The following CEP128 variants were observed in gnomAD, a reference collection of about 807,000 sequenced individuals.
CEP128 encodes the protein centrosomal protein 128kDa.
CEP128 carries 132 observed loss-of-function variants against 156.7 expected under a neutral mutation model. The observed-to-expected ratio is 0.84, with a 90% CI of 0.73 to 0.97. The LOEUF is 0.97. Ranked by LOEUF, CEP128 falls within the 50% of genes least tolerant of loss-of-function variation. The pLI is 0.00. For synonymous variants in CEP128, 469 were observed against 448.9 expected, an observed-to-expected ratio of 1.04 and a Z score of -0.57; for missense variants, 1,252 against 1,281.9, an observed-to-expected ratio of 0.98 and a Z score of 0.36.
intron 18 of CEP128, among the ~76,000 whole-genome samples, chr14:80,744,689 C>T (rs1452822068): frequency 1.3e-5 from 2 of 152,118 alleles, no homozygotes. Context: ...TTTTCTCTTT[C>T]TCAAGTTCAC....
intron 13 of CEP128, among the ~76,000 whole-genome samples, chr14:80,803,641 C>T (rs1884004842): frequency 6.6e-6 from 1 of 152,094 alleles, no homozygotes; most frequent in South Asian, 2.1e-4. Context: ...AAAAGATCAA[C>T]ATGTGAATCT....
intron 4 of CEP128, among the ~76,000 whole-genome samples, chr14:80,913,660 G>A (rs960252558): frequency 5.3e-5 from 8 of 152,108 alleles, no homozygotes; most frequent in Non-Finnish European, 8.8e-5. Flanking sequence ...ATGGACATTG[G>A]AGACTCAGAA....
At chr14:80,688,554 C>T (rs1312293221) in intron 19 of CEP128, among the ~76,000 whole-genome samples, 1 of 152,132 alleles carries the variant, frequency 6.6e-6, no homozygotes, top group Non-Finnish European at 1.5e-5. Context: ...TAATGTTATA[C>T]TAAAACAAAT....
chr14:80,574,934 A>G lies in CEP128; in HGVS notation c.2856+5440T>C, dbSNP rs191060857. On this transcript the variant is annotated intron_variant, in intron 20 of 24. Transcript: ENST00000555265. ...CCAGACTATTTTTCAAAGCCAACTG[A>G]TAGACAACTTAAAAATGATTATGGG... 9.9e-4 allele frequency among the ~76,000 whole-genome samples: 151 copies of G among 152,238 alleles called. 2 individuals carry two copies. The highest frequency in any genetic ancestry group is 9.9e-3 in the Admixed American group (151 of 15,282).
chr14:80,901,703 A>C (rs760898108), intron 6 of CEP128, among the ~76,000 whole-genome samples: 1 of 152,206 alleles, frequency 6.6e-6, no homozygotes, highest in Non-Finnish European at 1.5e-5. Flanking sequence ...TACCTTCCCC[A>C]CATGGCTATC....
chr14:80,666,301 C>T (rs139275917), intron 19 of CEP128, among the ~76,000 whole-genome samples: 25 of 152,328 alleles, frequency 1.6e-4, no homozygotes, highest in African/African-American at 5.8e-4. Flanking sequence ...AGCCTATGGG[C>T]CAGGACAAAG....
chr14:80,694,259 C>T lies in CEP128; in HGVS notation c.2806+48816G>A, dbSNP rs139278751. Among the ~76,000 whole-genome samples the T allele has an allele frequency of 1.7e-3, 253 of 152,264 alleles. 2 individuals are homozygous for T. Among genetic ancestry groups the T allele is most frequent in the African/African-American group, 5.5e-3 (230 of 41,546 alleles). On this transcript the variant is annotated intron_variant, in intron 19 of 24. Transcript: ENST00000555265. ...CAATTACTAAAAAGTCAGGAAACAA[C>T]AGATGCTGGAGAGGATGTGGAGAAA...
intron 24 of CEP128, among the ~76,000 whole-genome samples, chr14:80,503,120 C>T (rs935086749): frequency 1.3e-4 from 20 of 151,916 alleles, no homozygotes; most frequent in Middle Eastern, 3.4e-3. Flanking sequence ...AATAGTAAAA[C>T]AAGACTATGG....
intron 19 of CEP128, among the ~76,000 whole-genome samples, chr14:80,667,460 C>A (rs1338353120): frequency 1.3e-5 from 2 of 152,094 alleles, no homozygotes; most frequent in Non-Finnish European, 2.9e-5. Flanking sequence ...AAGGTGAAAA[C>A]CCAATAGCAA....
intron 19 of CEP128, among the ~76,000 whole-genome samples, chr14:80,662,877 A>G (rs1353225536): frequency 6.6e-6 from 1 of 152,180 alleles, no homozygotes; most frequent in Non-Finnish European, 1.5e-5. Flanking sequence ...GAATCATTAA[A>G]CAAATGTAGC....
At chr14:80,888,479 C>T (rs111695685) in intron 8 of CEP128, among the ~76,000 whole-genome samples, 12,777 of 152,162 alleles carry the variant, frequency 0.084, 605 homozygotes, top group African/African-American at 0.12. Flanking sequence ...GTTCAACATA[C>T]GCAAATCAAT....
intron 13 of CEP128, among the ~76,000 whole-genome samples, chr14:80,804,629 G>A (rs1205238450): frequency 6.6e-6 from 1 of 151,988 alleles, no homozygotes. Flanking sequence ...GAGAAAAATA[G>A]CTGACTCAAG....
chr14:80,670,598 A>G (rs1174635323), intron 19 of CEP128, among the ~76,000 whole-genome samples: 3 of 152,164 alleles, frequency 2.0e-5, no homozygotes, highest in Non-Finnish European at 4.4e-5. Flanking sequence ...ATGGACATAG[A>G]GTGTGGAATA....
intron 19 of CEP128, among the ~76,000 whole-genome samples, chr14:80,588,516 A>G (rs1891915139): frequency 6.6e-6 from 1 of 152,140 alleles, no homozygotes; most frequent in South Asian, 2.1e-4. Context: ...ATACATACAA[A>G]ACTTTTGACA....
chr14:80,949,600 T>C (rs531407832), intron 2 of CEP128, among the ~76,000 whole-genome samples: 1 of 152,242 alleles, frequency 6.6e-6, no homozygotes, highest in African/African-American at 2.4e-5. Flanking sequence ...ATCAGAAGGG[T>C]ATTGCCTCGG....
intron 19 of CEP128, among the ~76,000 whole-genome samples, chr14:80,680,559 G>A (rs139964696): frequency 8.0e-4 from 122 of 152,120 alleles, no homozygotes; most frequent in African/African-American, 2.8e-3. Context: ...CAGGCATTTC[G>A]AGCACCCATT....
At chr14:80,543,279 G>T (rs1308139607) in intron 21 of CEP128, among the ~76,000 whole-genome samples, 6 of 152,192 alleles carry the variant, frequency 3.9e-5, no homozygotes, top group Non-Finnish European at 7.3e-5. Context: ...TGCTGCCAAA[G>T]CAGACGGAAG....
chr14:80,723,133 T>C (rs1277991318), intron 19 of CEP128, among the ~76,000 whole-genome samples: 4 of 152,118 alleles, frequency 2.6e-5, no homozygotes, highest in African/African-American at 9.7e-5. Flanking sequence ...GCCCTCTTTA[T>C]CTTTTAAACA....
chr14:80,596,461 C>T (rs950060589), intron 19 of CEP128, among the ~76,000 whole-genome samples: 2 of 151,908 alleles, frequency 1.3e-5, no homozygotes, highest in Non-Finnish European at 2.9e-5. Flanking sequence ...TCTAAATAAT[C>T]CATGAGTCAA....
Sources: gnomAD v4.1 joint callset for allele counts (sites outside exome capture counted in the v4.1 genomes callset) on GRCh38, gnomAD v4.1.1 for gene constraint, MANE v1.5 for transcripts, NCBI Gene and HGNC (gene_info 2026-07-23, HGNC 2026-07-21) for gene names.